Variants in ADAMTSL3 observed in about 807,000 individuals in gnomAD.
The protein encoded by ADAMTSL3 is ADAMTS-like protein 3.
Under a neutral mutation model 201.7 loss-of-function variants are expected in ADAMTSL3, and 128 were observed. The ratio of observed to expected loss-of-function variants is 0.63; its 90% CI spans 0.55 to 0.73. The LOEUF (loss-of-function observed/expected upper bound fraction) is 0.73. Among genes scored for constraint, ADAMTSL3 ranks in the 30% least tolerant of loss-of-function variants. The probability of loss-of-function intolerance (pLI) is 0.00; values close to 1 mark genes in which losing one functional copy is unlikely to be tolerated. For missense variants in ADAMTSL3, 1,990 were observed against 2,119.6 expected, an observed-to-expected ratio of 0.94 and a Z score of 1.20; for synonymous variants, 738 against 748.4, an observed-to-expected ratio of 0.99 and a Z score of 0.23.
chr15:83,996,511 G>A (rs778753220), intron 23 of ADAMTSL3, among the ~76,000 whole-genome samples: 73 of 152,228 alleles, frequency 4.8e-4, no homozygotes, highest in Non-Finnish European at 8.1e-4. Context: ...TCCGGGCGCG[G>A]TGGCTCATGC....
At chr15:83,757,992 C>T (rs956024424) in intron 3 of ADAMTSL3, among the ~76,000 whole-genome samples, 1 of 152,186 alleles carries the variant, frequency 6.6e-6, no homozygotes, top group Non-Finnish European at 1.5e-5. Context: ...ATATCATTAT[C>T]GGCATTTTGG....
rs1243387013 is a variant in ADAMTSL3 at position 84,021,502 on chromosome 15, A to G, written c.4366A>G (p.Asn1456Asp). The G allele has an allele frequency of 1.2e-6, 2 of 1,614,118 alleles. No individual in the cohort carries two copies. Among genetic ancestry groups the G allele is most frequent in the South Asian group, 2.2e-5 (2 of 91,072 alleles). The stretch of plus-strand genomic sequence containing the variant: ...TCAGAGACCCCAGTGTGTGATGGCC[A>G]ATGGGCAGGAAGTGAGTGAGGCCCT... The part of the protein sequence containing the change: ...RIQRPQCVMA[N>D]GQEVSEALCD... The change falls in exon 26 of 30, where the codon AAT becomes GAT. Residue 1456 changes from asparagine to aspartate, a missense_variant. Asn to Asp is a conservative substitution (Grantham distance 23). Coordinates refer to ENST00000286744, the MANE Select transcript of ADAMTSL3 (RefSeq NM_207517.3).
rs866652122 is a variant in ADAMTSL3, at chr15:83,828,290, G to T, written c.600+8243G>T. Among the ~76,000 whole-genome samples the T allele has an allele frequency of 3.5e-3, 538 of 152,098 alleles. 2 individuals carry two copies. Among genetic ancestry groups the T allele is most frequent in the African/African-American group, 0.012 (505 of 41,506 alleles). On this transcript the variant is annotated intron_variant, in intron 6 of 29. Transcript: ENST00000286744. ...GGTATTTTATTCTCTTTGAAGCAAT[G>T]GTGAATGGGAGTTCACTCATGATTT... is the stretch of plus-strand genomic sequence containing the variant.
chr15:83,902,080 C>T (rs2065735982), intron 15 of ADAMTSL3, among the ~76,000 whole-genome samples: 1 of 152,166 alleles, frequency 6.6e-6, no homozygotes. Context: ...GTTGTGCCGA[C>T]TATATTTACT....
chr15:83,820,181 A>T, intron 6 of ADAMTSL3, 134 bp downstream of exon 6: 1 of 691,458 alleles, frequency 1.4e-6, no homozygotes. Flanking sequence ...GGTGGCTTAC[A>T]CCTATAATCC....
chr15:83,828,929 A>G (rs938071855), intron 6 of ADAMTSL3, among the ~76,000 whole-genome samples: 1 of 152,248 alleles, frequency 6.6e-6, no homozygotes, highest in African/African-American at 2.4e-5. Flanking sequence ...TTGGTTTGCC[A>G]GAATTTTATT....
chr15:83,888,139 A>T (rs2065433169), intron 10 of ADAMTSL3, among the ~76,000 whole-genome samples: 1 of 152,204 alleles, frequency 6.6e-6, no homozygotes, highest in Admixed American at 6.5e-5. Context: ...TAGCAGTGAG[A>T]TCGTCTCCAA....
chr15:83,963,665 T>G (rs1166941205), intron 19 of ADAMTSL3, among the ~76,000 whole-genome samples: 1 of 152,206 alleles, frequency 6.6e-6, no homozygotes, highest in Non-Finnish European at 1.5e-5. Flanking sequence ...TGCTAAGGGA[T>G]AGACTGTCTC....
chr15:83,772,976 T>A (rs1053928226), intron 3 of ADAMTSL3, among the ~76,000 whole-genome samples: 3 of 152,194 alleles, frequency 2.0e-5, no homozygotes, highest in Admixed American at 2.0e-4. Flanking sequence ...TTATTTAAAT[T>A]TAGCAATGAT....
Position 83,713,440 on chromosome 15 carries a change from A to G in ADAMTSL3, c.189+8932A>G, listed in dbSNP as rs150286271. 1.9e-3 allele frequency among the ~76,000 whole-genome samples: 285 copies of G among 152,346 alleles called. 2 individuals carry two copies. Among genetic ancestry groups the G allele is most frequent in the African/African-American group, 6.8e-3 (281 of 41,588 alleles). ...TTATTAGTGTTTGTGATCTTGAGAA[A>G]ATGCAGGAAACTGGACTTGCAGGTT... On this transcript the variant is annotated intron_variant, in intron 3 of 29. Coordinates refer to ENST00000286744, the MANE Select transcript of ADAMTSL3 (RefSeq NM_207517.3).
intron 2 of ADAMTSL3, among the ~76,000 whole-genome samples, chr15:83,663,308 C>A (rs2061201673): frequency 6.6e-6 from 1 of 152,198 alleles, no homozygotes; most frequent in Non-Finnish European, 1.5e-5. Context: ...CCCCCAATCT[C>A]TATGAGTATT....
At chr15:83,732,798 C>G (rs1226175590) in intron 3 of ADAMTSL3, among the ~76,000 whole-genome samples, 1 of 152,126 alleles carries the variant, frequency 6.6e-6, no homozygotes, top group Non-Finnish European at 1.5e-5. Flanking sequence ...GTCACACATA[C>G]CTGTTTATCT....
At chr15:83,812,232 C>T (rs1045645083) in intron 5 of ADAMTSL3, among the ~76,000 whole-genome samples, 3 of 152,184 alleles carry the variant, frequency 2.0e-5, no homozygotes, top group African/African-American at 4.8e-5. Flanking sequence ...CTGCAACCCA[C>T]CCCACCTCAA....
chr15:83,820,174 G>A, intron 6 of ADAMTSL3, 127 bp downstream of exon 6: 1 of 739,964 alleles, frequency 1.4e-6, no homozygotes, highest in South Asian at 1.7e-5. Context: ...CAGGTACGGT[G>A]GCTTACACCT....
chr15:83,791,075 A>G (rs991340519), intron 4 of ADAMTSL3, among the ~76,000 whole-genome samples: 8 of 152,208 alleles, frequency 5.3e-5, no homozygotes, highest in African/African-American at 1.9e-4. Flanking sequence ...AACACCGATG[A>G]AAGAAATGGA....
intron 19 of ADAMTSL3, among the ~76,000 whole-genome samples, chr15:83,948,364 A>G (rs1339905463): frequency 6.6e-6 from 1 of 151,384 alleles, no homozygotes; most frequent in African/African-American, 2.4e-5. Flanking sequence ...TCCTCCAAGA[A>G]CATGTTTTGA....
intron 15 of ADAMTSL3, among the ~76,000 whole-genome samples, chr15:83,905,766 G>A (rs1459632365): frequency 6.6e-6 from 1 of 152,106 alleles, no homozygotes; most frequent in Non-Finnish European, 1.5e-5. Context: ...GAATTTCTGG[G>A]CCAGGGATAA....
Position 84,037,982 on chromosome 15 carries a change from GT to G in ADAMTSL3, c.*180del. 1 of 984,292 alleles carries G rather than the reference GT, an allele frequency of 1.0e-6. No individual in the cohort carries two copies. The highest frequency in any genetic ancestry group is 1.4e-6 in the Non-Finnish European group (1 of 709,500). 61.0% of individuals were successfully genotyped at this position (984,292 alleles called of 1,614,324 possible). A position where few individuals can be genotyped will look rare whatever the true frequency, so the allele number is the denominator to read the frequency against. On this transcript the variant is annotated 3_prime_UTR_variant, in exon 30 of 30. Coordinates refer to ENST00000286744, the MANE Select transcript of ADAMTSL3 (RefSeq NM_207517.3). ...TGTAAAGTGAAATTTTCCAATGGTA[GT>G]TTTATATTCCAATTTTTTAAAATGA...
chr15:84,008,142 C>T (rs2067930141), intron 23 of ADAMTSL3, among the ~76,000 whole-genome samples: 1 of 152,216 alleles, frequency 6.6e-6, no homozygotes, highest in Non-Finnish European at 1.5e-5. Flanking sequence ...CAGATTCTCA[C>T]TCTGTTGCCC....
Sources: gnomAD v4.1 joint callset for allele counts (sites outside exome capture counted in the v4.1 genomes callset) on GRCh38, gnomAD v4.1.1 for gene constraint, MANE v1.5 for transcripts, NCBI Gene and HGNC (gene_info 2026-07-23, HGNC 2026-07-21) for gene names.